The following PTPRG variants were observed in gnomAD, a reference collection of about 807,000 sequenced individuals.
PTPRG encodes the protein receptor-type tyrosine-protein phosphatase gamma.
In PTPRG, 102 loss-of-function variants were observed where a neutral mutation model predicts 165.3. The observed-to-expected ratio is 0.62, with a 90% CI of 0.53 to 0.73. The LOEUF is 0.73. PTPRG is among the 30% of genes least tolerant of loss of function. PTPRG has a pLI of 0.00. For synonymous variants in PTPRG, 675 were observed against 669.5 expected (o/e 1.01, Z -0.13); for missense variants, 1,866 against 1,861.4 (o/e 1.00, Z -0.05).
intron 1 of PTPRG, among the ~76,000 whole-genome samples, chr3:61,618,877 C>G (rs757585449): frequency 2.7e-5 from 4 of 149,962 alleles, no homozygotes; most frequent in Non-Finnish European, 4.4e-5. Flanking sequence ...CTTGGTGGCT[C>G]GCGCCTGTAA....
chr3:62,021,824 T>G (rs931678111), intron 4 of PTPRG, among the ~76,000 whole-genome samples: 4 of 151,408 alleles, frequency 2.6e-5, no homozygotes, highest in Non-Finnish European at 5.9e-5. Flanking sequence ...AAATTATATG[T>G]AAAATTTTGG....
At chr3:61,962,741 G>T (rs1416000925) in intron 2 of PTPRG, among the ~76,000 whole-genome samples, 1 of 152,094 alleles carries the variant, frequency 6.6e-6, no homozygotes, top group Non-Finnish European at 1.5e-5. Context: ...TGAATGCTTA[G>T]TATGTGTCAG....
intron 2 of PTPRG, among the ~76,000 whole-genome samples, chr3:61,964,586 T>TA (rs113829002): frequency 0.013 from 1,934 of 152,318 alleles, 41 homozygotes; most frequent in African/African-American, 0.043. Context: ...GGGAAAGTGA[T>TA]ATGACCTGTT....
intron 2 of PTPRG, among the ~76,000 whole-genome samples, chr3:61,767,391 C>G (rs1471543789): frequency 6.6e-6 from 1 of 151,514 alleles, no homozygotes; most frequent in Non-Finnish European, 1.5e-5. Context: ...ATAGTTTTTT[C>G]TAATTTTCCC....
intron 2 of PTPRG, among the ~76,000 whole-genome samples, chr3:61,851,796 A>G (rs373182480): frequency 1.9e-4 from 29 of 152,318 alleles, no homozygotes; most frequent in African/African-American, 7.0e-4. Context: ...TGCTACAATC[A>G]GTTTCTTCTC....
At chr3:61,954,159 G>A (rs532103066) in intron 2 of PTPRG, among the ~76,000 whole-genome samples, 61 of 152,176 alleles carry the variant, frequency 4.0e-4, no homozygotes, top group Non-Finnish European at 7.8e-4. Context: ...TCCCTTCCCT[G>A]CCCAACTTCC....
chr3:61,815,323 C>A (rs1165416467), intron 2 of PTPRG, among the ~76,000 whole-genome samples: 2 of 151,852 alleles, frequency 1.3e-5, no homozygotes, highest in Non-Finnish European at 2.9e-5. Flanking sequence ...GGAGGGAGAA[C>A]CACTTCAGCC....
At chr3:61,590,200 G>A (rs1700532496) in intron 1 of PTPRG, among the ~76,000 whole-genome samples, 1 of 145,280 alleles carries the variant, frequency 6.9e-6, no homozygotes, top group South Asian at 2.2e-4. Context: ...GGCATTGTTG[G>A]CATTTATTTT....
chr3:61,787,787 T>G (rs1055659135), intron 2 of PTPRG, among the ~76,000 whole-genome samples: 1 of 152,210 alleles, frequency 6.6e-6, no homozygotes, highest in African/African-American at 2.4e-5. Context: ...GTAAAACAGT[T>G]TCCGTTTATT....
chr3:62,068,010 ATGT>A (rs1701077609), intron 4 of PTPRG, among the ~76,000 whole-genome samples: 2 of 152,102 alleles, frequency 1.3e-5, no homozygotes, highest in Admixed American at 1.3e-4. Context: ...TCTGGTGAGG[ATGT>A]TGTGTGGTAG....
At chr3:62,287,051 T>C (rs989668015) in intron 28 of PTPRG, among the ~76,000 whole-genome samples, 2 of 152,108 alleles carry the variant, frequency 1.3e-5, no homozygotes, top group Non-Finnish European at 2.9e-5. Context: ...CGTGGCTAAA[T>C]ACAGGAAAGG....
intron 2 of PTPRG, among the ~76,000 whole-genome samples, chr3:61,776,674 A>T (rs996302804): frequency 6.6e-6 from 1 of 151,090 alleles, no homozygotes; most frequent in Non-Finnish European, 1.5e-5. Flanking sequence ...TCTGCTTGCA[A>T]TTATCTGTAG....
rs910975233 is a variant in PTPRG, at chr3:62,224,965, G to A, written c.2288+5982G>A. Reference sequence around the variant, plus strand: ...TAAGCAAAGTGATTTTGGACAAGGGGCAGGGTTGTGAGGCAGATAATAAAA... The same window carrying A: ...TAAGCAAAGTGATTTTGGACAAGGGACAGGGTTGTGAGGCAGATAATAAAA... On this transcript the variant is annotated intron_variant, in intron 13 of 29. Coordinates refer to ENST00000474889, the MANE Select transcript of PTPRG (RefSeq NM_002841.4). This position sits in a 1 kb window ranked among gnomAD's most constrained non-coding sequence, Gnocchi z 4.9. Among the ~76,000 whole-genome samples, 1 of 152,202 alleles carries A rather than the reference G, an allele frequency of 6.6e-6. No individual in the cohort carries two copies. Among genetic ancestry groups the A allele is most frequent in the Non-Finnish European group, 1.5e-5 (1 of 68,042 alleles).
At position 62,049,700 on chromosome 3, in the gene PTPRG, A is replaced by G. The variant is rs61437011; in HGVS notation, c.520-28463A>G. On this transcript the variant is annotated intron_variant, in intron 4 of 29. Transcript: ENST00000474889. ...TTCTGGGGAAACTTAGACATGTATA[A>G]TATCTTACGAGTTGTGCAGTACTCA... Among the ~76,000 whole-genome samples the G allele has an allele frequency of 7.9e-3, 1,205 of 152,302 alleles. 19 individuals carry two copies. Among genetic ancestry groups the G allele is most frequent in the African/African-American group, 0.026 (1,077 of 41,550 alleles).
At chr3:61,994,675 C>T (rs1559735061) in intron 3 of PTPRG, among the ~76,000 whole-genome samples, 1 of 152,116 alleles carries the variant, frequency 6.6e-6, no homozygotes, top group Non-Finnish European at 1.5e-5. Flanking sequence ...AGTAGAGTAG[C>T]AACTTAAGAG....
At chr3:61,571,260 G>A (rs557161684) in intron 1 of PTPRG, among the ~76,000 whole-genome samples, 1 of 152,310 alleles carries the variant, frequency 6.6e-6, no homozygotes, top group African/African-American at 2.4e-5. Flanking sequence ...AGCAAGGCGC[G>A]GGGAGCGGTG....
At chr3:61,792,372 C>G (rs1385618151) in intron 2 of PTPRG, among the ~76,000 whole-genome samples, 1 of 151,908 alleles carries the variant, frequency 6.6e-6, no homozygotes, top group African/African-American at 2.4e-5. Flanking sequence ...TGCAGGTGTG[C>G]GCCACCATGC....
At chr3:61,718,081 C>T (rs1015695490) in intron 1 of PTPRG, among the ~76,000 whole-genome samples, 9 of 151,898 alleles carry the variant, frequency 5.9e-5, no homozygotes, top group Non-Finnish European at 7.4e-5. Flanking sequence ...ACTTGGGAGG[C>T]TGAGGCAGGA....
rs1703030150 is a variant in PTPRG at position 62,295,463 on chromosome 3, A to G, written c.*2156A>G. The G allele has an allele frequency of 6.6e-6, 1 of 152,064 alleles. No homozygotes were observed. The highest frequency in any genetic ancestry group is 2.4e-5 in the African/African-American group (1 of 41,426). 9.4% of individuals were successfully genotyped at this position (152,064 alleles called of 1,614,324 possible). On this transcript the variant is annotated 3_prime_UTR_variant, in exon 30 of 30. Coordinates refer to ENST00000474889, the MANE Select transcript of PTPRG (RefSeq NM_002841.4). ...CTTTCTCAGTAATTTTTTCTTAATA[A>G]AAGTAAACACTGGTTCAAAGACAAA...
Sources: allele counts gnomAD v4.1 joint callset (sites outside exome capture counted in the v4.1 genomes callset), GRCh38; gene constraint gnomAD v4.1.1; non-coding constraint Gnocchi (gnomAD v3.1); transcripts MANE v1.5; gene names NCBI Gene and HGNC (gene_info 2026-07-23, HGNC 2026-07-21).